The following UBE3A variants were observed in gnomAD, a reference collection of about 807,000 sequenced individuals.
The protein encoded by UBE3A is ubiquitin protein ligase E3A.
Under a neutral mutation model 83.4 loss-of-function variants are expected in UBE3A, and 6 were observed. The observed-to-expected ratio is 0.07, with a 90% CI of 0.04 to 0.14. The LOEUF is 0.14. UBE3A is among the 10% of genes least tolerant of loss of function. The pLI is 1.00. For missense variants in UBE3A, 456 were observed against 1,036.1 expected, an observed-to-expected ratio of 0.44 and a Z score of 7.69; for synonymous variants, 337 against 355.4, an observed-to-expected ratio of 0.95 and a Z score of 0.58.
At chr15:25,390,283 G>A (rs1459708104) in intron 4 of UBE3A, among the ~76,000 whole-genome samples, 1 of 152,124 alleles carries the variant, frequency 6.6e-6, no homozygotes, top group Non-Finnish European at 1.5e-5. Context: ...TCCAGCAATT[G>A]CACTCCCTAG....
chr15:25,390,287 TC>T, intron 4 of UBE3A, among the ~76,000 whole-genome samples: 1 of 152,280 alleles, frequency 6.6e-6, no homozygotes, highest in South Asian at 2.1e-4. Context: ...GCAATTGCAC[TC>T]CCTAGTATTT....
intron 4 of UBE3A, among the ~76,000 whole-genome samples, chr15:25,403,144 T>C (rs2087589965): frequency 6.6e-6 from 1 of 152,156 alleles, no homozygotes; most frequent in African/African-American, 2.4e-5. Context: ...GTCTTTAAAT[T>C]TCAAATGTGA....
intron 4 of UBE3A, among the ~76,000 whole-genome samples, chr15:25,382,312 C>G (rs1478443062): frequency 2.0e-5 from 3 of 149,854 alleles, no homozygotes; most frequent in Non-Finnish European, 4.4e-5. Context: ...AAGAGCGAGA[C>G]TCTGTCTCAA....
intron 2 of UBE3A, among the ~76,000 whole-genome samples, chr15:25,411,162 T>C (rs1367422230): frequency 1.3e-5 from 2 of 152,176 alleles, no homozygotes; most frequent in Admixed American, 6.5e-5. Context: ...CTGAGAAATC[T>C]TGGGCAAGTT....
rs765910610 is a variant in UBE3A, at chr15:25,371,006, T to C, written c.1168A>G (p.Asn390Asp). 3.7e-6 allele frequency: 6 copies of C among 1,614,076 alleles called. No homozygotes were observed. Among genetic ancestry groups the C allele is most frequent in the African/African-American group, 1.3e-5 (1 of 75,022 alleles). Residue 390 changes from asparagine to aspartate, a missense_variant, in exon 6 of 13, where the codon AAT (asparagine) becomes GAT (aspartate). Transcript: ENST00000648336. The surrounding 1 kb of genome is among the most constrained non-coding windows in gnomAD (Gnocchi z 5.3). ...ATGGGCTCTTCATCATCTTCTTCAT[T>C]GTGATTTGTGTCCACTTCCCCTCCC... ...VVGGEVDTNH[N>D]EEDDEEPIPE...
intron 7 of UBE3A, among the ~76,000 whole-genome samples, chr15:25,358,216 C>T (rs1365190914): frequency 6.6e-6 from 1 of 151,758 alleles, no homozygotes; most frequent in Non-Finnish European, 1.5e-5. Flanking sequence ...TACAAAAACA[C>T]AAAAAATAAG....
rs567440348 is a variant in UBE3A, at chr15:25,336,733, T to G, written c.*2404A>C. On this transcript the variant is annotated 3_prime_UTR_variant, in exon 13 of 13. Coordinates refer to ENST00000648336, the MANE Select transcript of UBE3A (RefSeq NM_130839.5). ...GAAATGTTCTATAATAATAAAAGGT[T>G]AAAAAAGTTTACATTTATTTGGAAA... 5.3e-5 allele frequency: 8 copies of G among 152,308 alleles called. No homozygotes were observed. The highest frequency in any genetic ancestry group is 1.2e-4 in the Non-Finnish European group (8 of 68,012). 9.4% of individuals were successfully genotyped at this position (152,308 alleles called of 1,614,324 possible). A position where few individuals can be genotyped will look rare whatever the true frequency, so the allele number is the denominator to read the frequency against.
intron 4 of UBE3A, among the ~76,000 whole-genome samples, chr15:25,402,744 C>A (rs1446110788): frequency 6.6e-6 from 1 of 152,230 alleles, no homozygotes; most frequent in Non-Finnish European, 1.5e-5. Flanking sequence ...AGGTGTGACA[C>A]AAGTAATGTA....
At chr15:25,415,372 T>A (rs561730800) in intron 1 of UBE3A, among the ~76,000 whole-genome samples, 8 of 152,314 alleles carry the variant, frequency 5.3e-5, no homozygotes, top group African/African-American at 1.9e-4. Context: ...ACCCCAGCCA[T>A]CCCAGCACTA....
At chr15:25,405,676 C>A in intron 3 of UBE3A, 174 bp from the exon 4 acceptor site, 1 of 665,844 alleles carries the variant, frequency 1.5e-6, no homozygotes, top group Non-Finnish European at 2.6e-6. Context: ...GGCCATACAA[C>A]ACATTTATTT....
At chr15:25,343,715 GA>G (rs928812115) in intron 11 of UBE3A, among the ~76,000 whole-genome samples, 2 of 151,148 alleles carry the variant, frequency 1.3e-5, no homozygotes, top group Non-Finnish European at 2.9e-5. Context: ...GACAAACTGG[GA>G]AAAAATATTT....
At chr15:25,402,566 A>G (rs2087420637) in intron 4 of UBE3A, among the ~76,000 whole-genome samples, 1 of 152,114 alleles carries the variant, frequency 6.6e-6, no homozygotes, top group Admixed American at 6.5e-5. Context: ...TGGGCCTCCA[A>G]GCTTGGTTTG....
At chr15:25,390,303 A>G (rs1272032695) in intron 4 of UBE3A, among the ~76,000 whole-genome samples, 1 of 152,192 alleles carries the variant, frequency 6.6e-6, no homozygotes, top group Non-Finnish European at 1.5e-5. Flanking sequence ...GTATTTACAG[A>G]AAGTCGCTGA....
At chr15:25,354,151 A>G (rs2076909165) in intron 11 of UBE3A, 1 of 618,306 alleles carries the variant, frequency 1.6e-6, no homozygotes, top group Non-Finnish European at 2.9e-6. Context: ...AGACTTATAT[A>G]TAACAACACT....
intron 11 of UBE3A, among the ~76,000 whole-genome samples, chr15:25,350,683 C>A (rs1314014059): frequency 6.6e-6 from 1 of 152,008 alleles, no homozygotes; most frequent in Non-Finnish European, 1.5e-5. Flanking sequence ...GGAAACAATC[C>A]AACTGTCCAC....
chr15:25,420,394 TAAACTC>T (rs796972565), intron 1 of UBE3A, among the ~76,000 whole-genome samples: 27 of 152,096 alleles, frequency 1.8e-4, no homozygotes, highest in African/African-American at 6.5e-4. Context: ...AGAAGGAAGA[TAAACTC>T]AAAATTATAG....
chr15:25,340,296 A>C (rs969855877), intron 11 of UBE3A, 68 bp from the exon 12 acceptor site: 2 of 1,521,058 alleles, frequency 1.3e-6, no homozygotes, highest in Admixed American at 3.3e-5. Flanking sequence ...ACATAAGCTT[A>C]TGATTTGCAT....
chr15:25,409,609 C>G (rs564057678), intron 2 of UBE3A, among the ~76,000 whole-genome samples: 19 of 151,414 alleles, frequency 1.3e-4, no homozygotes, highest in Admixed American at 4.6e-4. Context: ...TGACTAAAAC[C>G]CAGATATACT....
chr15:25,345,651 A>C (rs776586733), intron 11 of UBE3A: 3 of 152,182 alleles, frequency 2.0e-5, no homozygotes, highest in Non-Finnish European at 4.4e-5. Context: ...GTATGTGCAT[A>C]TACATGAGAA....
Sources: gnomAD v4.1 joint callset for allele counts (sites outside exome capture counted in the v4.1 genomes callset) on GRCh38, gnomAD v4.1.1 for gene constraint, Gnocchi (gnomAD v3.1) non-coding constraint, MANE v1.5 for transcripts, NCBI Gene and HGNC (gene_info 2026-07-23, HGNC 2026-07-21) for gene names.